Variants in SLIT3 observed in about 807,000 individuals in gnomAD.
The protein encoded by SLIT3 is slit homolog 3 protein.
A neutral mutation model predicts 184.0 loss-of-function variants in SLIT3; 68 were observed. The ratio of observed to expected loss-of-function variants is 0.37; its 90% confidence interval spans 0.30 to 0.45. The LOEUF is 0.45. Among genes scored for constraint, SLIT3 ranks in the 20% least tolerant of loss-of-function variants. SLIT3 has a pLI of 1.00. For missense variants in SLIT3, 1,707 were observed against 2,026.0 expected (o/e 0.84, Z 3.02); for synonymous variants, 831 against 828.6 (o/e 1.00, Z -0.05).
intron 1 of SLIT3, among the ~76,000 whole-genome samples, chr5:169,288,064 A>T (rs1197218821): frequency 6.6e-6 from 1 of 152,204 alleles, no homozygotes; most frequent in Non-Finnish European, 1.5e-5. Context: ...CCTAAGAGAG[A>T]AAAATAAAGA....
At chr5:168,989,987 C>T (rs372373838) in intron 4 of SLIT3, among the ~76,000 whole-genome samples, 1 of 152,312 alleles carries the variant, frequency 6.6e-6, no homozygotes, top group East Asian at 1.9e-4. Context: ...CAGGTTCAGC[C>T]ATCAAAGTTC....
chr5:168,682,249 T>G (rs762142790), intron 32 of SLIT3, among the ~76,000 whole-genome samples: 3 of 152,230 alleles, frequency 2.0e-5, no homozygotes, highest in Admixed American at 6.5e-5. Context: ...TTTTCTTTGC[T>G]CCTCATCTGT....
intron 18 of SLIT3, 86 bp downstream of exon 18, chr5:168,752,869 G>T: frequency 1.5e-6 from 2 of 1,340,166 alleles, no homozygotes; most frequent in Non-Finnish European, 2.1e-6. Context: ...AGATGAGCCT[G>T]GCTAGAGGTA....
chr5:168,668,989 G>C (rs1414861122), intron 35 of SLIT3, among the ~76,000 whole-genome samples: 1 of 152,194 alleles, frequency 6.6e-6, no homozygotes. Context: ...GGATAGTCAA[G>C]GTCATGCAGA....
At chr5:168,814,030 A>C (rs1757249268) in intron 8 of SLIT3, among the ~76,000 whole-genome samples, 1 of 152,220 alleles carries the variant, frequency 6.6e-6, no homozygotes. Flanking sequence ...TCAGTTCTTG[A>C]CTGAATTTCT....
At position 168,882,071 on chromosome 5, in the gene SLIT3, G is replaced by A. The variant is rs73802442; in HGVS notation, c.485+1194C>T. Among the ~76,000 whole-genome samples the A allele has an allele frequency of 5.6e-3, 857 of 152,294 alleles. 5 individuals carry two copies. Among genetic ancestry groups the A allele is most frequent in the African/African-American group, 0.019 (778 of 41,546 alleles). On this transcript the variant is annotated intron_variant, in intron 5 of 35. Transcript: ENST00000519560. ...CCAAAAGCTTTCCGCTAAGTCCACAGGGGAGGCAGATAACCTGCATCTGGA... is the reference window on the plus strand; with the variant it reads ...CCAAAAGCTTTCCGCTAAGTCCACAAGGGAGGCAGATAACCTGCATCTGGA...
At chr5:168,844,748 C>T in intron 5 of SLIT3, 93 bp from the exon 6 acceptor site, 1 of 1,098,170 alleles carries the variant, frequency 9.1e-7, no homozygotes, top group South Asian at 1.3e-5. Flanking sequence ...CCTCCACCCC[C>T]TTGCAGGCGC....
chr5:169,048,408 C>A (rs1222040443), intron 4 of SLIT3, among the ~76,000 whole-genome samples: 1 of 152,152 alleles, frequency 6.6e-6, no homozygotes, highest in African/African-American at 2.4e-5. Flanking sequence ...TTTTTATGAC[C>A]TTTTACTGAA....
rs565009639 is a variant in SLIT3 at position 168,762,433 on chromosome 5, A to G, written c.1610+106T>C. 8.1e-5 allele frequency: 99 copies of G among 1,226,586 alleles called. No individual in the cohort carries two copies. The Middle Eastern group carries it at 1.2e-3, about 15-fold the overall frequency. The allele number at this position is 1,226,586 out of a possible 1,614,324, so 76.0% of individuals were successfully genotyped here. ...GTGAAAGACAGCCAACAAACACCAC[A>G]TGACTGAGCCAGGAAGGGGTCACCG... On this transcript the variant is annotated intron_variant, in intron 15 of 35. Coordinates refer to ENST00000519560, the MANE Select transcript of SLIT3 (RefSeq NM_003062.4).
chr5:168,734,581 C>T (rs1334851790), intron 20 of SLIT3, among the ~76,000 whole-genome samples: 2 of 152,174 alleles, frequency 1.3e-5, no homozygotes, highest in Non-Finnish European at 2.9e-5. Flanking sequence ...ACAGAATGTT[C>T]CATGTGCTGG....
intron 8 of SLIT3, among the ~76,000 whole-genome samples, chr5:168,815,504 C>A (rs1422129040): frequency 1.3e-5 from 2 of 152,094 alleles, no homozygotes; most frequent in African/African-American, 4.8e-5. Flanking sequence ...GATATTGTAC[C>A]CTTTGCCGAA....
At chr5:168,712,623 C>G (rs1049666565) in intron 23 of SLIT3, 1 of 429,220 alleles carries the variant, frequency 2.3e-6, no homozygotes, top group Non-Finnish European at 4.2e-6. Context: ...ACCAGTCTCT[C>G]TTAGCCGTGG....
chr5:169,091,936 C>T (rs1036306359), intron 4 of SLIT3, among the ~76,000 whole-genome samples: 1 of 152,128 alleles, frequency 6.6e-6, no homozygotes, highest in Non-Finnish European at 1.5e-5. Context: ...GAAAAAATGA[C>T]TCAGAGTGGG....
chr5:169,245,982 T>C (rs576579385), intron 2 of SLIT3, among the ~76,000 whole-genome samples: 92 of 152,320 alleles, frequency 6.0e-4, no homozygotes, highest in African/African-American at 2.2e-3. Context: ...ACTGAATGAA[T>C]GAAAACCTAT....
intron 4 of SLIT3, among the ~76,000 whole-genome samples, chr5:168,969,998 G>A (rs904329579): frequency 6.6e-5 from 10 of 152,144 alleles, no homozygotes; most frequent in African/African-American, 1.9e-4. Flanking sequence ...TGGCTAACAC[G>A]GTGAAACCCC....
At chr5:169,005,806 C>A (rs558706798) in intron 4 of SLIT3, among the ~76,000 whole-genome samples, 1 of 152,190 alleles carries the variant, frequency 6.6e-6, no homozygotes, top group South Asian at 2.1e-4. Flanking sequence ...TGGCACTCTG[C>A]GCCTTTGGAG....
chr5:168,757,893 A>G (rs1174269811), intron 16 of SLIT3, among the ~76,000 whole-genome samples: 1 of 152,120 alleles, frequency 6.6e-6, no homozygotes, highest in Non-Finnish European at 1.5e-5. Context: ...AGGAAGGTGG[A>G]TTTATTTCTA....
intron 3 of SLIT3, among the ~76,000 whole-genome samples, chr5:169,197,302 G>T (rs1292571707): frequency 6.6e-6 from 1 of 152,130 alleles, no homozygotes; most frequent in Non-Finnish European, 1.5e-5. Flanking sequence ...TCGCCTGCTG[G>T]TTCTCAATAT....
chr5:168,993,683 A>C (rs1447218013), intron 4 of SLIT3, among the ~76,000 whole-genome samples: 6 of 152,014 alleles, frequency 3.9e-5, no homozygotes, highest in Admixed American at 3.3e-4. Flanking sequence ...GAAAAAAAAA[A>C]AAACTCCTGA....
Sources: allele counts gnomAD v4.1 joint callset (sites outside exome capture counted in the v4.1 genomes callset), GRCh38; gene constraint gnomAD v4.1.1; transcripts MANE v1.5; gene names NCBI Gene and HGNC (gene_info 2026-07-23, HGNC 2026-07-21).